Variants in GPRC5B observed in about 807,000 individuals in gnomAD.
GPRC5B encodes the protein G protein-coupled receptor class C group 5 member B.
Under a neutral mutation model 30.1 loss-of-function variants are expected in GPRC5B, and 16 were observed. The observed-to-expected ratio is 0.53, with a 90% CI of 0.36 to 0.81. The LOEUF (loss-of-function observed/expected upper bound fraction) is 0.81. Ranked by LOEUF, GPRC5B falls within the 30% of genes least tolerant of loss-of-function variation. The pLI is 0.01. For missense variants in GPRC5B, 428 were observed against 544.7 expected (o/e 0.79, Z 2.13); for synonymous variants, 241 against 239.5 (o/e 1.01, Z -0.06).
At chr16:19,882,605 C>A (rs746194266) in intron 1 of GPRC5B, among the ~76,000 whole-genome samples, 2 of 152,122 alleles carry the variant, frequency 1.3e-5, no homozygotes, top group Non-Finnish European at 2.9e-5. Flanking sequence ...AGGCTCCCAG[C>A]GTCTCTCTAT....
intron 1 of GPRC5B, among the ~76,000 whole-genome samples, chr16:19,883,911 G>C (rs531407296): frequency 8.5e-5 from 13 of 152,250 alleles, no homozygotes; most frequent in Admixed American, 5.2e-4. Flanking sequence ...CCTCCCGCGC[G>C]CTCCCTTTTC....
upstream of GPRC5B, chr16:19,885,225 G>A (rs1478316826): frequency 7.8e-7 from 1 of 1,288,720 alleles, no homozygotes; most frequent in East Asian, 5.6e-5. This position sits in a 1 kb window ranked among gnomAD's most constrained non-coding sequence, Gnocchi z 5.3. Context: ...CGCGACCCAG[G>A]GGTCCCAGCG....
chr16:19,860,184 G>T lies in GPRC5B; in HGVS notation c.*316C>A. ...TGGTTCTGTTCTACCCCCAGAGGAT[G>T]AAACAGTCTTCCCAGCCACATTTTC... is the stretch of plus-strand genomic sequence containing the variant. On this transcript the variant is annotated 3_prime_UTR_variant, in exon 4 of 4. Coordinates refer to ENST00000300571, the MANE Select transcript of GPRC5B (RefSeq NM_016235.3). 1 of 288,048 alleles carries T rather than the reference G, an allele frequency of 3.5e-6. No homozygotes were observed. The highest frequency in any genetic ancestry group is 5.3e-5 in the Admixed American group (1 of 18,854). 17.8% of individuals were successfully genotyped at this position (288,048 alleles called of 1,614,324 possible).
At chr16:19,881,445 C>T (rs1016564908) in intron 1 of GPRC5B, among the ~76,000 whole-genome samples, 5 of 151,620 alleles carry the variant, frequency 3.3e-5, no homozygotes, top group South Asian at 2.1e-4. Context: ...GTTTGGTGCC[C>T]GACACAGAGG....
chr16:19,885,483 G>T (rs1017322165), upstream of GPRC5B: 11 of 1,139,076 alleles, frequency 9.7e-6, no homozygotes, highest in Non-Finnish European at 1.2e-5. The surrounding 1 kb of genome is among the most constrained non-coding windows in gnomAD (Gnocchi z 5.3). Flanking sequence ...GTCCGTTTAC[G>T]CACACTGGGA....
At chr16:19,862,101 C>G in intron 2 of GPRC5B, 128 bp from the exon 3 acceptor site, 1 of 744,766 alleles carries the variant, frequency 1.3e-6, no homozygotes, top group East Asian at 2.7e-5. Flanking sequence ...TCCCCTTTGT[C>G]ACAAGCCTGA....
chr16:19,868,424 A>G (rs1340652459), intron 2 of GPRC5B, among the ~76,000 whole-genome samples: 1 of 152,146 alleles, frequency 6.6e-6, no homozygotes, highest in African/African-American at 2.4e-5. Flanking sequence ...AAAAGTTTGT[A>G]TCCGTTTCAG....
At chr16:19,877,449 G>GA (rs920500273) in intron 1 of GPRC5B, among the ~76,000 whole-genome samples, 2 of 152,144 alleles carry the variant, frequency 1.3e-5, no homozygotes, top group African/African-American at 4.8e-5. Flanking sequence ...CCCATGAGGT[G>GA]ACAGCCACCC....
intron 2 of GPRC5B, among the ~76,000 whole-genome samples, chr16:19,864,911 A>ATTTTTTTT (rs1163249399): frequency 7.9e-6 from 1 of 126,054 alleles, no homozygotes. Context: ...GCCCGGTCTC[A>ATTTTTTTT]TTTTTTTTTT....
intron 2 of GPRC5B, among the ~76,000 whole-genome samples, chr16:19,864,225 C>T (rs1031837510): frequency 6.6e-6 from 1 of 152,182 alleles, no homozygotes; most frequent in African/African-American, 2.4e-5. Flanking sequence ...GGCCTTGCCC[C>T]CAAAGCCAAC....
intron 1 of GPRC5B, among the ~76,000 whole-genome samples, chr16:19,875,815 G>A (rs562801596): frequency 5.3e-5 from 8 of 152,160 alleles, no homozygotes; most frequent in Non-Finnish European, 8.8e-5. Context: ...AAAATCGCTC[G>A]TTGATGTAAC....
intron 2 of GPRC5B, among the ~76,000 whole-genome samples, chr16:19,863,307 GCCA>G (rs1318214400): frequency 6.6e-6 from 1 of 151,780 alleles, no homozygotes; most frequent in Non-Finnish European, 1.5e-5. Context: ...ACAGACACAT[GCCA>G]CCATGCGTGG....
At chr16:19,870,528 G>A (rs2056707715) in intron 2 of GPRC5B, among the ~76,000 whole-genome samples, 1 of 152,192 alleles carries the variant, frequency 6.6e-6, no homozygotes, top group Non-Finnish European at 1.5e-5. Context: ...TTTCCTCAAA[G>A]CCACACATCT....
chr16:19,862,671 C>T (rs940872698), intron 2 of GPRC5B, among the ~76,000 whole-genome samples: 4 of 152,140 alleles, frequency 2.6e-5, no homozygotes, highest in African/African-American at 9.7e-5. Context: ...CTAATCCTAG[C>T]ATTTTGGGAG....
intron 2 of GPRC5B, among the ~76,000 whole-genome samples, chr16:19,868,752 C>G (rs1051485928): frequency 2.0e-5 from 3 of 152,200 alleles, no homozygotes; most frequent in Non-Finnish European, 4.4e-5. Flanking sequence ...AGCGGAGAGG[C>G]CACTGGCGTT....
At chr16:19,883,522 G>T (rs1325985351) in intron 1 of GPRC5B, among the ~76,000 whole-genome samples, 2 of 152,270 alleles carry the variant, frequency 1.3e-5, no homozygotes, top group South Asian at 4.1e-4. Context: ...AATTAAGAAG[G>T]TTCCTTGGCT....
At chr16:19,881,745 G>A (rs2056808336) in intron 1 of GPRC5B, among the ~76,000 whole-genome samples, 2 of 152,202 alleles carry the variant, frequency 1.3e-5, no homozygotes, top group Admixed American at 6.5e-5. Flanking sequence ...TTGCGCCACT[G>A]CACTCCAGCC....
At chr16:19,878,310 G>T (rs1031693411) in intron 1 of GPRC5B, among the ~76,000 whole-genome samples, 14 of 151,610 alleles carry the variant, frequency 9.2e-5, no homozygotes, top group African/African-American at 3.4e-4. Context: ...TCAATTATTT[G>T]ATTTTACTTT....
chr16:19,876,199 G>A (rs1000751996), intron 1 of GPRC5B, among the ~76,000 whole-genome samples: 7 of 152,332 alleles, frequency 4.6e-5, no homozygotes, highest in African/African-American at 1.7e-4. Flanking sequence ...CAGTGGTTCC[G>A]AACCAGTTGC....
Sources: allele counts gnomAD v4.1 joint callset (sites outside exome capture counted in the v4.1 genomes callset), GRCh38; gene constraint gnomAD v4.1.1; non-coding constraint Gnocchi (gnomAD v3.1); transcripts MANE v1.5; gene names NCBI Gene and HGNC (gene_info 2026-07-23, HGNC 2026-07-21).